Variants in PPARGC1A observed in about 807,000 individuals in gnomAD.
The protein encoded by PPARGC1A is PPARG coactivator 1 alpha, also known as peroxisome proliferator-activated receptor gamma coactivator 1-alpha.
A neutral mutation model predicts 88.7 loss-of-function variants in PPARGC1A; 25 were observed. The observed-to-expected ratio is 0.28, with a 90% CI of 0.21 to 0.39. The LOEUF is 0.39. Ranked by LOEUF, PPARGC1A falls within the 10% of genes least tolerant of loss-of-function variation. The probability of loss-of-function intolerance (pLI) is 1.00; values close to 1 mark genes in which losing one functional copy is unlikely to be tolerated. For missense variants in PPARGC1A, 880 were observed against 968.7 expected, an observed-to-expected ratio of 0.91 and a Z score of 1.22; for synonymous variants, 363 against 355.6, an observed-to-expected ratio of 1.02 and a Z score of -0.24.
chr4:24,295,126 A>G, the PPARGC1A span, among the ~76,000 whole-genome samples: 14 of 152,220 alleles, frequency 9.2e-5, no homozygotes, highest in Non-Finnish European at 1.9e-4. Context: ...GTAGCCTCAA[A>G]GAATATTCTA....
the PPARGC1A span, among the ~76,000 whole-genome samples, chr4:24,386,767 C>T: frequency 2.6e-5 from 4 of 152,290 alleles, no homozygotes; most frequent in Admixed American, 2.0e-4. Context: ...GAAAAACATT[C>T]CATGCTCATG....
chr4:24,447,612 G>A, the PPARGC1A span, among the ~76,000 whole-genome samples: 7 of 152,184 alleles, frequency 4.6e-5, no homozygotes, highest in Admixed American at 2.0e-4. Context: ...CTGAATCCTC[G>A]TCATGCATCT....
chr4:24,128,856 T>C, the PPARGC1A span, among the ~76,000 whole-genome samples: 1 of 152,126 alleles, frequency 6.6e-6, no homozygotes, highest in Admixed American at 6.6e-5. Context: ...GATCTGAAGT[T>C]TGGGGTAAAA....
the PPARGC1A span, among the ~76,000 whole-genome samples, chr4:24,226,362 G>A: frequency 1.3e-5 from 2 of 152,108 alleles, no homozygotes; most frequent in Admixed American, 6.6e-5. Flanking sequence ...ATTGTTTTCA[G>A]GTCCTTCTTC....
intron 2 of PPARGC1A, among the ~76,000 whole-genome samples, chr4:23,862,859 C>T (rs559642481): frequency 2.0e-5 from 3 of 152,280 alleles, no homozygotes; most frequent in African/African-American, 4.8e-5. Flanking sequence ...TTCTTGAAGA[C>T]ACCCCTCCTT....
chr4:24,018,823 C>A, the PPARGC1A span, among the ~76,000 whole-genome samples: 3 of 152,178 alleles, frequency 2.0e-5, no homozygotes, highest in Admixed American at 2.0e-4. Context: ...GGGGACCTCA[C>A]CTCATTTTAA....
chr4:23,976,155 G>A, the PPARGC1A span, among the ~76,000 whole-genome samples: 88,505 of 152,086 alleles, frequency 0.58, 26,345 homozygotes, highest in Admixed American at 0.64. Context: ...CAAGGAATGA[G>A]CACAAGGGTG....
chr4:23,865,724 C>T (rs940166853), intron 2 of PPARGC1A, among the ~76,000 whole-genome samples: 2 of 152,096 alleles, frequency 1.3e-5, no homozygotes, highest in African/African-American at 2.4e-5. Flanking sequence ...AAATATCTGG[C>T]GATTAATTGC....
chr4:24,213,165 CTTTTTT>C, the PPARGC1A span, among the ~76,000 whole-genome samples: 1 of 100,738 alleles, frequency 9.9e-6, no homozygotes. Flanking sequence ...GATTATTTTC[CTTTTTT>C]TTTTTTTTTT....
chr4:23,924,192 GC>G, the PPARGC1A span, among the ~76,000 whole-genome samples: 1 of 152,186 alleles, frequency 6.6e-6, no homozygotes, highest in Non-Finnish European at 1.5e-5. Context: ...CTCCAAATGG[GC>G]CAGTCTTCAA....
the PPARGC1A span, among the ~76,000 whole-genome samples, chr4:23,912,312 C>T: frequency 1.3e-5 from 2 of 152,180 alleles, no homozygotes; most frequent in Non-Finnish European, 2.9e-5. Flanking sequence ...AGGAAAGGTA[C>T]CAAGGCTTTC....
chr4:24,377,989 C>T, the PPARGC1A span, among the ~76,000 whole-genome samples: 6 of 152,286 alleles, frequency 3.9e-5, no homozygotes, highest in Admixed American at 6.5e-5. Flanking sequence ...CTGTAATTTA[C>T]GATTGCTTCA....
the PPARGC1A span, among the ~76,000 whole-genome samples, chr4:24,308,708 T>C: frequency 6.6e-6 from 1 of 151,996 alleles, no homozygotes; most frequent in Non-Finnish European, 1.5e-5. Context: ...AATGGAACAA[T>C]TTGAGGTTGT....
At chr4:24,411,822 C>T in the PPARGC1A span, among the ~76,000 whole-genome samples, 2 of 152,198 alleles carry the variant, frequency 1.3e-5, no homozygotes, top group East Asian at 3.9e-4. Context: ...ATTTAAGTTT[C>T]CTCCATGTCT....
chr4:23,997,304 CTAAAAG>C, the PPARGC1A span, among the ~76,000 whole-genome samples: 1 of 152,142 alleles, frequency 6.6e-6, no homozygotes, highest in Non-Finnish European at 1.5e-5. Flanking sequence ...TGGACAGAAT[CTAAAAG>C]TAAATCATGC....
At chr4:23,997,466 AC>A in the PPARGC1A span, among the ~76,000 whole-genome samples, 1 of 146,184 alleles carries the variant, frequency 6.8e-6, no homozygotes, top group South Asian at 2.2e-4. Context: ...AAACAAATTC[AC>A]CCTTAATAAA....
chr4:23,845,621 C>G lies in PPARGC1A; in HGVS notation c.235-13870G>C, dbSNP rs1462830845. ...TCCATGTTAATCCTCTGAGCCTTTC[C>G]AGCTCCTTTCTCCAAGAAACTAGGA... On this transcript the variant is annotated intron_variant, in intron 2 of 12. Transcript: ENST00000264867. Among the ~76,000 whole-genome samples, 6 of 152,104 alleles carry G rather than the reference C, an allele frequency of 3.9e-5. No individual in the cohort carries two copies. In the South Asian group the frequency reaches 1.2e-3, roughly 31 times the overall value.
chr4:24,152,497 G>A, the PPARGC1A span, among the ~76,000 whole-genome samples: 1 of 152,146 alleles, frequency 6.6e-6, no homozygotes. Context: ...ACACAGAGGA[G>A]GCAGAGATTG....
the PPARGC1A span, among the ~76,000 whole-genome samples, chr4:24,236,291 C>T: frequency 1.3e-5 from 2 of 152,110 alleles, no homozygotes; most frequent in Non-Finnish European, 2.9e-5. Flanking sequence ...CTCCTGATGA[C>T]CTCTTCATGT....
Sources: allele counts gnomAD v4.1 joint callset (sites outside exome capture counted in the v4.1 genomes callset), GRCh38; gene constraint gnomAD v4.1.1; transcripts MANE v1.5; gene names NCBI Gene and HGNC (gene_info 2026-07-23, HGNC 2026-07-21).